DLG1: variants seen among roughly 807,000 people sequenced by gnomAD.
The protein encoded by DLG1 is disks large homolog 1.
DLG1 carries 42 observed loss-of-function variants against 123.4 expected under a neutral mutation model. That is an observed-to-expected ratio of 0.34 (90% CI 0.27 to 0.44). The LOEUF (loss-of-function observed/expected upper bound fraction) is 0.44. DLG1 is among the 20% of genes least tolerant of loss of function. The probability of loss-of-function intolerance (pLI) is 1.00; values close to 1 mark genes in which losing one functional copy is unlikely to be tolerated. For synonymous variants in DLG1, 317 were observed against 356.2 expected (o/e 0.89, Z 1.24); for missense variants, 942 against 1,082.6 (o/e 0.87, Z 1.82).
intron 5 of DLG1, among the ~76,000 whole-genome samples, chr3:197,181,480 A>G (rs1433932761): frequency 1.3e-5 from 2 of 152,194 alleles, no homozygotes; most frequent in Non-Finnish European, 2.9e-5. Context: ...TAAATCCCTT[A>G]GTGCTGCAAA....
chr3:197,292,908 G>A (rs1306961649), intron 3 of DLG1, among the ~76,000 whole-genome samples: 2 of 152,174 alleles, frequency 1.3e-5, no homozygotes, highest in Non-Finnish European at 2.9e-5. Context: ...TGAGTTCTCT[G>A]ATCCCGTAAG....
intron 5 of DLG1, among the ~76,000 whole-genome samples, chr3:197,152,400 T>C (rs536461132): frequency 3.3e-5 from 5 of 150,692 alleles, no homozygotes; most frequent in African/African-American, 1.2e-4. Context: ...CTCGCTGTCT[T>C]GGTTAAGGAT....
intron 5 of DLG1, among the ~76,000 whole-genome samples, chr3:197,164,332 G>A (rs1800214078): frequency 6.6e-6 from 1 of 152,040 alleles, no homozygotes; most frequent in Admixed American, 6.6e-5. Flanking sequence ...GGAAGGTGGA[G>A]GTTGCGGTGA....
At chr3:197,141,365 T>C (rs1185497420) in intron 7 of DLG1, among the ~76,000 whole-genome samples, 1 of 152,064 alleles carries the variant, frequency 6.6e-6, no homozygotes, top group Non-Finnish European at 1.5e-5. Context: ...TGGGAAAAGA[T>C]AAAAAATCAA....
chr3:197,115,558 T>G (rs766151003), intron 13 of DLG1, among the ~76,000 whole-genome samples: 4 of 152,162 alleles, frequency 2.6e-5, no homozygotes, highest in Non-Finnish European at 5.9e-5. Flanking sequence ...CATGTTTGGG[T>G]AGCTTTAAAA....
chr3:197,222,497 G>T (rs1434844289), intron 4 of DLG1, among the ~76,000 whole-genome samples: 1 of 152,096 alleles, frequency 6.6e-6, no homozygotes, highest in African/African-American at 2.4e-5. Flanking sequence ...AGTGGGGTGG[G>T]TAGTGGGGAA....
At chr3:197,234,598 C>A (rs924675647) in intron 4 of DLG1, among the ~76,000 whole-genome samples, 1 of 152,066 alleles carries the variant, frequency 6.6e-6, no homozygotes, top group Non-Finnish European at 1.5e-5. Context: ...TAACCTTGGA[C>A]TAAAATTTTG....
intron 13 of DLG1, among the ~76,000 whole-genome samples, chr3:197,115,617 CAG>C (rs974863097): frequency 3.9e-4 from 59 of 152,164 alleles, no homozygotes; most frequent in African/African-American, 1.4e-3. Flanking sequence ...AAGAAGGTAA[CAG>C]ATTAAAGTAT....
At chr3:197,223,687 T>G (rs1298405253) in intron 4 of DLG1, among the ~76,000 whole-genome samples, 1 of 152,248 alleles carries the variant, frequency 6.6e-6, no homozygotes, top group Non-Finnish European at 1.5e-5. Context: ...GGTATTAGTT[T>G]ATACACTGGA....
At chr3:197,103,104 A>G (rs1429686479) in intron 14 of DLG1, among the ~76,000 whole-genome samples, 1 of 152,188 alleles carries the variant, frequency 6.6e-6, no homozygotes, top group Non-Finnish European at 1.5e-5. Context: ...GTGCCATCAC[A>G]AACATTCTCA....
chr3:197,270,058 C>T (rs1763287311), intron 4 of DLG1, among the ~76,000 whole-genome samples: 1 of 152,124 alleles, frequency 6.6e-6, no homozygotes, highest in African/African-American at 2.4e-5. Context: ...CCTGCCTGTC[C>T]ACTTTCTTAC....
intron 16 of DLG1, among the ~76,000 whole-genome samples, chr3:197,082,482 A>G (rs902482151): frequency 6.6e-6 from 1 of 152,146 alleles, no homozygotes; most frequent in Non-Finnish European, 1.5e-5. Context: ...TATCAACAGC[A>G]CCACAAAACT....
At chr3:197,046,565 A>T (rs1231925024) in intron 24 of DLG1, among the ~76,000 whole-genome samples, 1 of 152,198 alleles carries the variant, frequency 6.6e-6, no homozygotes, top group African/African-American at 2.4e-5. Context: ...TGAGGGAGGG[A>T]CATTTTATAA....
At chr3:197,259,117 A>T (rs568422342) in intron 4 of DLG1, among the ~76,000 whole-genome samples, 3 of 152,318 alleles carry the variant, frequency 2.0e-5, no homozygotes, top group African/African-American at 7.2e-5. Context: ...TGAAATGATA[A>T]AAGGCAAATC....
chr3:197,113,798 T>C (rs748280362), intron 13 of DLG1, among the ~76,000 whole-genome samples: 4 of 152,116 alleles, frequency 2.6e-5, no homozygotes, highest in Non-Finnish European at 5.9e-5. Flanking sequence ...GATACAGTTA[T>C]AGGTAAGGTA....
chr3:197,144,400 C>T (rs1048525869), intron 6 of DLG1, among the ~76,000 whole-genome samples: 2 of 152,192 alleles, frequency 1.3e-5, no homozygotes, highest in Non-Finnish European at 2.9e-5. Flanking sequence ...GCAGTCAGCA[C>T]CACCAACTAT....
chr3:197,198,312 AC>A (rs1212530792), intron 4 of DLG1, among the ~76,000 whole-genome samples: 1 of 152,044 alleles, frequency 6.6e-6, no homozygotes, highest in African/African-American at 2.4e-5. Flanking sequence ...ATATAGTCAA[AC>A]CCCGTCTCTA....
intron 23 of DLG1, among the ~76,000 whole-genome samples, chr3:197,055,605 C>T (rs1731137265): frequency 6.6e-6 from 1 of 152,112 alleles, no homozygotes; most frequent in Non-Finnish European, 1.5e-5. Flanking sequence ...TTTTCTAAGC[C>T]TGTGATTTTC....
At chr3:197,296,195 G>T in intron 3 of DLG1, 151 bp downstream of exon 3, 1 of 709,058 alleles carries the variant, frequency 1.4e-6, no homozygotes, top group Non-Finnish European at 2.3e-6. Context: ...AAAGGACACT[G>T]GCCTATGAAA....
Sources: allele counts gnomAD v4.1 joint callset (sites outside exome capture counted in the v4.1 genomes callset), GRCh38; gene constraint gnomAD v4.1.1; transcripts MANE v1.5; gene names NCBI Gene and HGNC (gene_info 2026-07-23, HGNC 2026-07-21).